ALPG: variants seen among roughly 807,000 people sequenced by gnomAD.
ALPG encodes alkaline phosphatase, germ cell.
A neutral mutation model predicts 48.6 loss-of-function variants in ALPG; 32 were observed. That is an observed-to-expected ratio of 0.66 (90% CI 0.50 to 0.88). The LOEUF is 0.88. Ranked by LOEUF, ALPG falls within the 40% of genes least tolerant of loss-of-function variation. The probability of loss-of-function intolerance (pLI) is 0.00; values close to 1 mark genes in which losing one functional copy is unlikely to be tolerated. For missense variants in ALPG, 533 were observed against 718.1 expected (o/e 0.74, Z 2.95); for synonymous variants, 244 against 308.9 (o/e 0.79, Z 2.20).
Position 232,409,328 on chromosome 2 carries a change from G to T in ALPG, c.1184-4G>T, listed in dbSNP as rs1334666121. 6.7e-7 allele frequency: 1 copy of T among 1,486,884 alleles called. No homozygotes were observed. Among genetic ancestry groups the T allele is most frequent in the Non-Finnish European group, 9.3e-7 (1 of 1,070,496 alleles). 92.1% of individuals were successfully genotyped at this position (1,486,884 alleles called of 1,614,324 possible). On this transcript the variant is annotated splice_region_variant and splice_polypyrimidine_tract_variant and intron_variant, in intron 9 of 10. Coordinates refer to ENST00000295453, the MANE Select transcript of ALPG (RefSeq NM_031313.3). The stretch of plus-strand genomic sequence containing the variant: ...CTCAACCACAGGGACCCCTCTCTCT[G>T]CAGGGCTGGCCCCTGGCAAGGCCCG...
chr2:232,410,050 C>A lies in ALPG; in HGVS notation c.*178C>A. On this transcript the variant is annotated 3_prime_UTR_variant, in exon 11 of 11. Transcript: ENST00000295453. The stretch of plus-strand genomic sequence containing the variant: ...GGGACCGAGCCCTTGACACCACGCC[C>A]TTTGCTTTATCTTGCTCTTGAAATT... The A allele has an allele frequency of 9.8e-7, 1 of 1,016,114 alleles. No individual in the cohort carries two copies. Among genetic ancestry groups the A allele is most frequent in the Non-Finnish European group, 1.4e-6 (1 of 719,794 alleles). The allele number at this position is 1,016,114 out of a possible 1,614,324, so 62.9% of individuals were successfully genotyped here.
chr2:232,407,277 C>T lies in ALPG; in HGVS notation c.185-9C>T, dbSNP rs41265113. 95 of 1,613,880 alleles carry T rather than the reference C, an allele frequency of 5.9e-5. No individual in the cohort carries two copies. The African/African-American group carries it at 9.9e-4, about 17-fold the overall frequency. ...GGGGAGCAAGCCTCACACACTTCTGCTCCTTCAGGGATGGGGGTGTCTACG... is the reference window on the plus strand; with the variant it reads ...GGGGAGCAAGCCTCACACACTTCTGTTCCTTCAGGGATGGGGGTGTCTACG... On this transcript the variant is annotated splice_polypyrimidine_tract_variant and intron_variant, in intron 2 of 10. Coordinates refer to ENST00000295453, the MANE Select transcript of ALPG (RefSeq NM_031313.3).
rs1575054238 is a variant in ALPG, at chr2:232,407,414, C to T, written c.300+13C>T. 1 of 1,612,824 alleles carries T rather than the reference C, an allele frequency of 6.2e-7. No individual in the cohort carries two copies. Among genetic ancestry groups the T allele is most frequent in the East Asian group, 2.2e-5 (1 of 44,878 alleles). ...GGCTCTGTCCAAGGTAAGTGCTGGG[C>T]TACCTTAGAGTCCTCCAAGCAGAGA... On this transcript the variant is annotated intron_variant, in intron 3 of 10. Coordinates refer to ENST00000295453, the MANE Select transcript of ALPG (RefSeq NM_031313.3).
At position 232,407,310 on chromosome 2, in the gene ALPG, C is replaced by T; in HGVS notation, c.209C>T (p.Ala70Val). 1 of 1,613,976 alleles carries T rather than the reference C, an allele frequency of 6.2e-7. No individual in the cohort carries two copies. Among genetic ancestry groups the T allele is most frequent in the South Asian group, 1.1e-5 (1 of 90,962 alleles). The change falls in exon 3 of 11, where the codon GCT becomes GTT. Residue 70 changes from alanine to valine, a missense_variant. Coordinates refer to ENST00000295453, the MANE Select transcript of ALPG (RefSeq NM_031313.3). Reference sequence around the variant, plus strand: ...GGGATGGGGGTGTCTACGGTGACAGCTGCCAGGATCCTAAAAGGGCAGAAG... The same window carrying T: ...GGGATGGGGGTGTCTACGGTGACAGTTGCCAGGATCCTAAAAGGGCAGAAG... ...GDGMGVSTVT[A>V]ARILKGQKKD... is the part of the protein sequence containing the mutation.
chr2:232,407,591 C>T lies in ALPG; in HGVS notation c.301-3C>T. ...GAAGAGCTCAGAGTGTCTCTGTCCC[C>T]AGACATACAGTGTAGACAAGCATGT... On this transcript the variant is annotated splice_region_variant and splice_polypyrimidine_tract_variant and intron_variant, in intron 3 of 10. Coordinates refer to ENST00000295453, the MANE Select transcript of ALPG (RefSeq NM_031313.3). The T allele has an allele frequency of 6.2e-7, 1 of 1,613,802 alleles. No individual in the cohort carries two copies. The highest frequency in any genetic ancestry group is 8.5e-7 in the Non-Finnish European group (1 of 1,180,000).
In ALPG at chr2:232,408,495, C is replaced by T; in HGVS notation, c.784-6C>T. 6.3e-7 allele frequency: 1 copy of T among 1,593,286 alleles called. No individual in the cohort carries two copies. The highest frequency in any genetic ancestry group is 8.6e-7 in the Non-Finnish European group (1 of 1,167,608). ...GGCTGAGGCCTGGCTCTCTCCCTCC[C>T]CGCAGGGTGCCCGGTACGTGTGGAA... On this transcript the variant is annotated splice_region_variant and splice_polypyrimidine_tract_variant and intron_variant, in intron 6 of 10. Coordinates refer to ENST00000295453, the MANE Select transcript of ALPG (RefSeq NM_031313.3).
In ALPG at chr2:232,408,140, G is replaced by C; in HGVS notation, c.648+123G>C. On this transcript the variant is annotated intron_variant, in intron 5 of 10. Coordinates refer to ENST00000295453, the MANE Select transcript of ALPG (RefSeq NM_031313.3). ...AGGGTCTGGAGGTGGGGTTGGGGGC[G>C]TAGAAGGCGCAGCCCAGGCTGGGCC... The C allele has an allele frequency of 1.9e-6, 3 of 1,567,348 alleles. 1 individual carries two copies. In the South Asian group the frequency reaches 3.7e-5, roughly 19 times the overall value.
Position 232,410,599 on chromosome 2 carries a change from A to G in ALPG, c.*727A>G, listed in dbSNP as rs1697170413. 1 of 152,280 alleles carries G rather than the reference A, an allele frequency of 6.6e-6. No individual in the cohort carries two copies. Among genetic ancestry groups the G allele is most frequent in the Admixed American group, 6.5e-5 (1 of 15,288 alleles). The allele number at this position is 152,280 out of a possible 1,614,324, so 9.4% of individuals were successfully genotyped here. A position where few individuals can be genotyped will look rare whatever the true frequency, so the allele number is the denominator to read the frequency against. ...CAGAGTCCATGGCCCCGCCTAGGCC[A>G]TCTGGGTGCTGGGCATGGATTTCTC... On this transcript the variant is annotated 3_prime_UTR_variant, in exon 11 of 11. Coordinates refer to ENST00000295453, the MANE Select transcript of ALPG (RefSeq NM_031313.3).
Position 232,406,887 on chromosome 2 carries a change from T to C in ALPG, c.-8T>C. 2 of 1,610,706 alleles carry C rather than the reference T, an allele frequency of 1.2e-6. No homozygotes were observed. Among genetic ancestry groups the C allele is most frequent in the Middle Eastern group, 1.9e-4 (1 of 5,318 alleles). ...TTCCGCCTCGCCGCTCTCCGACTGC[T>C]TCCAGACATGCAGGGGCCCTGGGTG... On this transcript the variant is annotated 5_prime_UTR_variant, in exon 1 of 11. Coordinates refer to ENST00000295453, the MANE Select transcript of ALPG (RefSeq NM_031313.3).
chr2:232,410,058 T>C lies in ALPG; in HGVS notation c.*186T>C. ...GCCCTTGACACCACGCCCTTTGCTTTATCTTGCTCTTGAAATTTTGGCCCC... is the reference window on the plus strand; with the variant it reads ...GCCCTTGACACCACGCCCTTTGCTTCATCTTGCTCTTGAAATTTTGGCCCC... On this transcript the variant is annotated 3_prime_UTR_variant, in exon 11 of 11. Transcript: ENST00000295453. The C allele has an allele frequency of 3.1e-6, 3 of 960,002 alleles. No homozygotes were observed. Among genetic ancestry groups the C allele is most frequent in the Non-Finnish European group, 4.5e-6 (3 of 670,562 alleles). The allele number at this position is 960,002 out of a possible 1,614,324, so 59.5% of individuals were successfully genotyped here.
In ALPG at chr2:232,410,031, G is replaced by C. The variant is rs539095043; in HGVS notation, c.*159G>C. ...CCCCTCCCGGTGCACCCTGGGGACC[G>C]AGCCCTTGACACCACGCCCTTTGCT... On this transcript the variant is annotated 3_prime_UTR_variant, in exon 11 of 11. Coordinates refer to ENST00000295453, the MANE Select transcript of ALPG (RefSeq NM_031313.3). 2 of 1,187,580 alleles carry C rather than the reference G, an allele frequency of 1.7e-6. No homozygotes were observed. Among genetic ancestry groups the C allele is most frequent in the East Asian group, 2.6e-5 (1 of 38,636 alleles). The allele number at this position is 1,187,580 out of a possible 1,614,324, so 73.6% of individuals were successfully genotyped here.
rs1293367714 is a variant in ALPG, at chr2:232,409,502, G to C, written c.1300+54G>C. 2.1e-5 allele frequency: 33 copies of C among 1,607,580 alleles called. No individual in the cohort carries two copies. The Admixed American group carries it at 4.7e-4, about 23-fold the overall frequency. ...GGGACCAGGGTGCCAAGGATGGGGG[G>C]CTGGCGGGAAGGGGTCACCTCTTGT... On this transcript the variant is annotated intron_variant, in intron 10 of 10. Coordinates refer to ENST00000295453, the MANE Select transcript of ALPG (RefSeq NM_031313.3).
rs776650525 is a variant in ALPG, at chr2:232,409,703, T to A, written c.1430T>A (p.Ile477Lys). ...LVHGVQEQTFIAHVMAFAACL... is the reference protein window; with the variant it reads ...LVHGVQEQTFKAHVMAFAACL... ...CACGGCGTGCAGGAGCAGACCTTCA[T>A]AGCGCACGTCATGGCCTTCGCCGCC... is the stretch of plus-strand genomic sequence containing the variant. The change falls in exon 11 of 11, where the codon ATA becomes AAA. Residue 477 changes from isoleucine (I) to lysine (K), a missense_variant. By Grantham distance (102) the Ile-to-Lys change is moderately radical. This residue lies in a region of ALPG where 145 missense variants were observed against 174.3 expected (regional missense o/e 0.83). Transcript: ENST00000295453. The A allele has an allele frequency of 1.9e-6, 3 of 1,611,378 alleles. No homozygotes were observed. The South Asian group carries it at 3.3e-5, about 18-fold the overall frequency.
At position 232,409,815 on chromosome 2, in the gene ALPG, G is replaced by C; in HGVS notation, c.1542G>C (p.Ala514=). Reference sequence around the variant, plus strand: ...ACCCGGGGCCGTCCGTGGTCCCCGCGTTGCTTCCTCTGCTGGCAGGGACCT... The same window carrying C: ...ACCCGGGGCCGTCCGTGGTCCCCGCCTTGCTTCCTCTGCTGGCAGGGACCT... The part of the protein sequence containing the change: ...AAHPGPSVVP[A]LLPLLAGTLL... Residue 514 remains alanine (A), a synonymous_variant, in exon 11 of 11, where the codon GCG becomes GCC. Coordinates refer to ENST00000295453, the MANE Select transcript of ALPG (RefSeq NM_031313.3). 1 of 1,592,944 alleles carries C rather than the reference G, an allele frequency of 6.3e-7. No individual in the cohort carries two copies. Among genetic ancestry groups the C allele is most frequent in the Admixed American group, 1.7e-5 (1 of 57,252 alleles).
Position 232,409,941 on chromosome 2 carries a change from G to T in ALPG, c.*69G>T. The T allele has an allele frequency of 2.0e-6, 3 of 1,472,064 alleles. No individual in the cohort carries two copies. The highest frequency in any genetic ancestry group is 2.7e-6 in the Non-Finnish European group (3 of 1,118,180). 91.2% of individuals were successfully genotyped at this position (1,472,064 alleles called of 1,614,324 possible). A position where few individuals can be genotyped will look rare whatever the true frequency, so the allele number is the denominator to read the frequency against. ...CCTGCTCCCCACCTCCAGTCGTCCT[G>T]CCGGACCTCCACCTGGAGCTGTCAC... On this transcript the variant is annotated 3_prime_UTR_variant, in exon 11 of 11. Transcript: ENST00000295453.
At chr2:232,407,804 G>C (rs542105646) in intron 4 of ALPG, 36 bp downstream of exon 4, 10 of 1,613,732 alleles carry the variant, frequency 6.2e-6, no homozygotes, top group African/African-American at 5.3e-5. Context: ...AGGGCCAGGT[G>C]ACAGACCTCT....
At chr2:232,408,152 G>A in intron 5 of ALPG, 115 bp from the exon 6 acceptor site, 1 of 1,573,932 alleles carries the variant, frequency 6.4e-7, no homozygotes, top group Non-Finnish European at 8.6e-7. Flanking sequence ...AGAAGGCGCA[G>A]CCCAGGCTGG....
rs1231521278 is a variant in ALPG, at chr2:232,410,676, ACACAAAG to A, written c.*807_*813del. The A allele has an allele frequency of 6.6e-6, 1 of 152,288 alleles. No individual in the cohort carries two copies. The highest frequency in any genetic ancestry group is 1.5e-5 in the Non-Finnish European group (1 of 68,082). 9.4% of individuals were successfully genotyped at this position (152,288 alleles called of 1,614,324 possible). On this transcript the variant is annotated 3_prime_UTR_variant, in exon 11 of 11. Transcript: ENST00000295453. ...CCCTGGGCCTCCATTCTTCTGGGAAACACAAAGCAATAATAAAAGGAAGTGTTAGACA... is the reference window on the plus strand; with the variant it reads ...CCCTGGGCCTCCATTCTTCTGGGAAACAATAATAAAAGGAAGTGTTAGACA...
At position 232,407,998 on chromosome 2, in the gene ALPG, T is replaced by C. The variant is rs1457257109; in HGVS notation, c.629T>C (p.Ile210Thr). 1.9e-6 allele frequency: 3 copies of C among 1,612,182 alleles called. No homozygotes were observed. The South Asian group carries it at 3.3e-5, about 18-fold the overall frequency. Residue 210 changes from isoleucine to threonine, a missense_variant, in exon 5 of 11, where the codon ATC (isoleucine) becomes ACC (threonine). Physicochemically the swap from Ile to Thr is moderately conservative, Grantham distance 89. Around this residue, in one of 6 missense-constraint regions of ALPG, gnomAD observed 315 missense variants for 305.8 expected, o/e 1.03. Coordinates refer to ENST00000295453, the MANE Select transcript of ALPG (RefSeq NM_031313.3). ...EGCQDIATQLISNMDIDVILG... is the reference protein window; with the variant it reads ...EGCQDIATQLTSNMDIDVILG... ...TGCCAGGACATCGCCACGCAGCTCA[T>C]CTCCAACATGGACATTGATGTGCGA... is the stretch of plus-strand genomic sequence containing the variant.
Sources: gnomAD v4.1 joint callset for allele counts on GRCh38, gnomAD v4.1.1 for gene constraint, gnomAD v4.1.1 regional missense constraint, MANE v1.5 for transcripts, NCBI Gene and HGNC (gene_info 2026-07-23, HGNC 2026-07-21) for gene names.